USP43: variants seen among roughly 807,000 people sequenced by gnomAD.
The protein encoded by USP43 is ubiquitin carboxyl-terminal hydrolase 43.
USP43 carries 33 observed loss-of-function variants against 90.7 expected under a neutral mutation model. The observed-to-expected ratio is 0.36, with a 90% CI of 0.28 to 0.49. The LOEUF is 0.49. Among genes scored for constraint, USP43 ranks in the 20% least tolerant of loss-of-function variants. USP43 has a pLI of 0.98. For synonymous variants in USP43, 598 were observed against 615.8 expected (o/e 0.97, Z 0.43); for missense variants, 1,274 against 1,476.4 (o/e 0.86, Z 2.25).
In USP43 at chr17:9,712,040, G is replaced by T. The variant is rs771296589; in HGVS notation, c.2243G>T (p.Ser748Ile). Residue 748 changes from serine (S) to isoleucine (I), a missense_variant, in exon 14 of 15, where the codon AGC becomes ATC. Physicochemically the swap from Ser to Ile is moderately radical, Grantham distance 142. Around this residue, in one of 6 missense-constraint regions of USP43, gnomAD observed 285 missense variants for 349.6 expected, o/e 0.82. Transcript: ENST00000285199. ...AGCCACGCTGGCAGCACAAGGGGAA[G>T]CCTGCTGTCCTGGAGCTCTGCCCCC... is the stretch of plus-strand genomic sequence containing the variant. ...LGSHAGSTRGSLLSWSSAPCP... is the reference protein window; with the variant it reads ...LGSHAGSTRGILLSWSSAPCP... The T allele has an allele frequency of 2.5e-6, 4 of 1,612,672 alleles. No individual in the cohort carries two copies. In the East Asian group the frequency reaches 8.9e-5, roughly 36 times the overall value.
intron 7 of USP43, among the ~76,000 whole-genome samples, chr17:9,683,639 T>C (rs1020768768): frequency 1.3e-5 from 2 of 152,186 alleles, no homozygotes. Flanking sequence ...TACTTACAGA[T>C]AGTTGGTCTA....
chr17:9,651,184 TTTG>T (rs1289922427), intron 1 of USP43, among the ~76,000 whole-genome samples: 2 of 149,408 alleles, frequency 1.3e-5, no homozygotes, highest in African/African-American at 5.1e-5. Context: ...GTTTTTTTTG[TTTG>T]TTTTTTTTGT....
intron 1 of USP43, among the ~76,000 whole-genome samples, chr17:9,655,620 G>T (rs1439734920): frequency 2.0e-5 from 3 of 152,164 alleles, no homozygotes; most frequent in African/African-American, 7.2e-5. Context: ...CACCACGAGG[G>T]CAGTGAGATG....
intron 14 of USP43, among the ~76,000 whole-genome samples, chr17:9,720,107 C>T (rs1916851695): frequency 6.6e-6 from 1 of 151,640 alleles, no homozygotes. Context: ...AGGCAGATCA[C>T]TTGAGGTCAG....
At chr17:9,710,844 A>C (rs1916149336) in intron 13 of USP43, among the ~76,000 whole-genome samples, 1 of 152,072 alleles carries the variant, frequency 6.6e-6, no homozygotes, top group Non-Finnish European at 1.5e-5. Flanking sequence ...AGTCTAGAGA[A>C]AGAAAGTGCC....
At chr17:9,683,129 G>A (rs528536868) in intron 7 of USP43, among the ~76,000 whole-genome samples, 171 bp downstream of exon 7, 16 of 152,272 alleles carry the variant, frequency 1.1e-4, no homozygotes, top group African/African-American at 3.9e-4. Context: ...TAAGCATTTG[G>A]CTAACGTCAT....
chr17:9,677,064 A>G (rs757773306), intron 5 of USP43, among the ~76,000 whole-genome samples, 183 bp downstream of exon 5: 1 of 152,168 alleles, frequency 6.6e-6, no homozygotes, highest in Non-Finnish European at 1.5e-5. Flanking sequence ...CTGCATTGAC[A>G]CAGAATGACC....
At chr17:9,687,632 T>C (rs988424351) in intron 8 of USP43, among the ~76,000 whole-genome samples, 2 of 152,240 alleles carry the variant, frequency 1.3e-5, no homozygotes, top group African/African-American at 4.8e-5. Flanking sequence ...AGGTCAGTTG[T>C]GTCAGATTCC....
At chr17:9,708,624 TTTG>T (rs960468392) in intron 12 of USP43, among the ~76,000 whole-genome samples, 21 of 152,194 alleles carry the variant, frequency 1.4e-4, no homozygotes, top group Middle Eastern at 6.8e-3. Context: ...GGGCCTGTTT[TTTG>T]TTGTTGTTGT....
chr17:9,665,376 A>C (rs1165368594), intron 2 of USP43, among the ~76,000 whole-genome samples: 1 of 152,182 alleles, frequency 6.6e-6, no homozygotes, highest in African/African-American at 2.4e-5. Context: ...ATGACTGGGG[A>C]GGCCTCAGGA....
chr17:9,683,530 T>C (rs1194337131), intron 7 of USP43, among the ~76,000 whole-genome samples: 1 of 152,156 alleles, frequency 6.6e-6, no homozygotes, highest in Non-Finnish European at 1.5e-5. Flanking sequence ...CTATTATTAA[T>C]TAGCTCAGCT....
chr17:9,660,424 C>T (rs1005898465), intron 2 of USP43, among the ~76,000 whole-genome samples: 49 of 152,216 alleles, frequency 3.2e-4, no homozygotes, highest in African/African-American at 9.4e-4. Context: ...GCTGAGATTA[C>T]AAGTGTGAGC....
chr17:9,707,002 C>T (rs910562519), intron 12 of USP43, among the ~76,000 whole-genome samples: 1 of 152,102 alleles, frequency 6.6e-6, no homozygotes, highest in Admixed American at 6.5e-5. Context: ...TAGGCCCCAA[C>T]AATTGGTAAC....
chr17:9,684,194 A>G (rs1213331969), intron 7 of USP43, among the ~76,000 whole-genome samples: 1 of 152,104 alleles, frequency 6.6e-6, no homozygotes, highest in Non-Finnish European at 1.5e-5. Flanking sequence ...ATGGGAGAAT[A>G]TTTATGTCCT....
At chr17:9,681,462 T>TAATATATA (rs1555550104) in intron 6 of USP43, among the ~76,000 whole-genome samples, 1 of 18,578 alleles carries the variant, frequency 5.4e-5, no homozygotes, top group African/African-American at 2.6e-4. Flanking sequence ...ATAAAATATA[T>TAATATATA]TATATATATA....
intron 14 of USP43, among the ~76,000 whole-genome samples, chr17:9,715,855 CTGTG>C (rs1201274827): frequency 4.2e-5 from 6 of 141,240 alleles, no homozygotes; most frequent in African/African-American, 1.6e-4. Context: ...GTATATGTGT[CTGTG>C]TGTGTCTCTG....
intron 12 of USP43, among the ~76,000 whole-genome samples, chr17:9,702,486 C>T (rs780177654): frequency 6.6e-6 from 1 of 151,050 alleles, no homozygotes; most frequent in African/African-American, 2.5e-5. Context: ...TCTTACTTAT[C>T]GGATTTGGTA....
chr17:9,673,179 A>G (rs1353287325), intron 3 of USP43, among the ~76,000 whole-genome samples: 1 of 152,164 alleles, frequency 6.6e-6, no homozygotes, highest in East Asian at 1.9e-4. Context: ...ATATGATAAG[A>G]GAAAGAAAAT....
chr17:9,680,427 A>G lies in USP43; in HGVS notation c.1105+61A>G, dbSNP rs193036951. 3.4e-5 allele frequency: 54 copies of G among 1,586,418 alleles called. 2 individuals are homozygous for G. The highest frequency in any genetic ancestry group is 3.3e-4 in the South Asian group (29 of 87,764). On this transcript the variant is annotated intron_variant, in intron 6 of 14. Coordinates refer to ENST00000285199, the MANE Select transcript of USP43 (RefSeq NM_153210.5). ...TGATGAGTTACAGGTTTCAGAGGAT[A>G]CTCCTTGGGTGCAAAGGCATAAAAC...
Sources: allele counts gnomAD v4.1 joint callset (sites outside exome capture counted in the v4.1 genomes callset), GRCh38; gene constraint gnomAD v4.1.1; regional missense constraint gnomAD v4.1.1; transcripts MANE v1.5; gene names NCBI Gene and HGNC (gene_info 2026-07-23, HGNC 2026-07-21).